The following ZNF521 variants were observed in gnomAD, a reference collection of about 807,000 sequenced individuals.
ZNF521 encodes zinc finger protein 521, also known as LYST-interacting protein 3.
A neutral mutation model predicts 105.5 loss-of-function variants in ZNF521; 14 were observed. The ratio of observed to expected loss-of-function variants is 0.13; its 90% confidence interval spans 0.09 to 0.21. The LOEUF (loss-of-function observed/expected upper bound fraction) is 0.21, where lower values mean the gene tolerates loss of function less well. Among genes scored for constraint, ZNF521 ranks in the 10% least tolerant of loss-of-function variants. The pLI, the probability that ZNF521 is intolerant of heterozygous loss-of-function variation, is 1.00. For missense variants in ZNF521, 1,233 were observed against 1,629.7 expected (o/e 0.76, Z 4.19); for synonymous variants, 635 against 606.0 (o/e 1.05, Z -0.70).
At chr18:25,217,995 C>T (rs778657932) in intron 4 of ZNF521, among the ~76,000 whole-genome samples, 17 of 152,056 alleles carry the variant, frequency 1.1e-4, no homozygotes, top group Non-Finnish European at 2.5e-4. Context: ...ACAGGACAGC[C>T]TCAGTAAGAC....
At chr18:25,338,967 C>T (rs1795541259) in intron 2 of ZNF521, among the ~76,000 whole-genome samples, 1 of 152,096 alleles carries the variant, frequency 6.6e-6, no homozygotes, top group African/African-American at 2.4e-5. Flanking sequence ...TTAAAACAAA[C>T]CCAGATATTT....
intron 7 of ZNF521, among the ~76,000 whole-genome samples, chr18:25,080,136 C>T (rs564412958): frequency 3.9e-5 from 6 of 152,304 alleles, no homozygotes; most frequent in East Asian, 1.9e-4. Flanking sequence ...GAAAAAGCCC[C>T]GCTTTTGCAA....
chr18:25,217,550 TCAGA>T (rs1471734121), intron 4 of ZNF521, among the ~76,000 whole-genome samples: 2 of 152,270 alleles, frequency 1.3e-5, no homozygotes, highest in Non-Finnish European at 2.9e-5. Flanking sequence ...ATACGACATT[TCAGA>T]CAAAGGTTTC....
chr18:25,202,328 T>G (rs1164783067), intron 4 of ZNF521: 1 of 152,134 alleles, frequency 6.6e-6, no homozygotes, highest in Admixed American at 6.6e-5. Flanking sequence ...AAAAAACCAA[T>G]ACATTATGAC....
chr18:25,108,892 T>TG (rs2034127568), intron 5 of ZNF521, among the ~76,000 whole-genome samples: 1 of 152,218 alleles, frequency 6.6e-6, no homozygotes, highest in Non-Finnish European at 1.5e-5. Context: ...CCCAAAGTGC[T>TG]GGGATTACAG....
intron 3 of ZNF521, among the ~76,000 whole-genome samples, chr18:25,256,945 T>C (rs1179444478): frequency 3.3e-5 from 5 of 152,078 alleles, no homozygotes; most frequent in African/African-American, 1.2e-4. Context: ...CAAAAAATAC[T>C]TCAATAAAGG....
intron 3 of ZNF521, among the ~76,000 whole-genome samples, chr18:25,316,726 C>T (rs939404294): frequency 6.6e-6 from 1 of 152,120 alleles, no homozygotes; most frequent in African/African-American, 2.4e-5. Context: ...CCTCCACTTA[C>T]ACTTTGCCTC....
intron 3 of ZNF521, among the ~76,000 whole-genome samples, chr18:25,309,374 A>G (rs939884610): frequency 6.6e-6 from 1 of 152,230 alleles, no homozygotes; most frequent in Non-Finnish European, 1.5e-5. Context: ...AAATGAACAA[A>G]TCAATGGACT....
intron 4 of ZNF521, among the ~76,000 whole-genome samples, chr18:25,199,086 A>T (rs1439481299): frequency 6.6e-6 from 1 of 151,960 alleles, no homozygotes; most frequent in African/African-American, 2.4e-5. Context: ...ACTTGAATCT[A>T]ATTAAGTCTT....
intron 5 of ZNF521, among the ~76,000 whole-genome samples, chr18:25,112,453 C>T (rs1199287785): frequency 6.6e-6 from 1 of 152,094 alleles, no homozygotes; most frequent in East Asian, 1.9e-4. Context: ...TGAGCTCATG[C>T]CCAGAAGCAC....
At chr18:25,149,428 T>A (rs1483439622) in intron 5 of ZNF521, among the ~76,000 whole-genome samples, 2 of 152,210 alleles carry the variant, frequency 1.3e-5, no homozygotes, top group African/African-American at 2.4e-5. Flanking sequence ...GATATTCTTA[T>A]AATTATCTAT....
rs747303225 is a variant in ZNF521 at position 25,352,103 on chromosome 18, C to G, written c.-100G>C. ...GCCATCAGGATGGCTCCAGAGGGGG[C>G]CCCTAACCCGCAGGGACTCGCTCTG... On this transcript the variant is annotated 5_prime_UTR_variant, in exon 1 of 8. Coordinates refer to ENST00000361524, the MANE Select transcript of ZNF521 (RefSeq NM_015461.3). 1.0e-5 allele frequency: 5 copies of G among 480,714 alleles called. No individual in the cohort carries two copies. The highest frequency in any genetic ancestry group is 1.7e-5 in the Non-Finnish European group (4 of 238,268). The allele number at this position is 480,714 out of a possible 1,614,324, so 29.8% of individuals were successfully genotyped here.
chr18:25,349,626 C>T (rs1334232675), intron 2 of ZNF521, among the ~76,000 whole-genome samples: 1 of 151,990 alleles, frequency 6.6e-6, no homozygotes, highest in African/African-American at 2.4e-5. Flanking sequence ...GGCGCCGGGC[C>T]CTGCCCACCC....
chr18:25,249,665 T>C (rs1455882321), intron 3 of ZNF521, among the ~76,000 whole-genome samples: 2 of 152,166 alleles, frequency 1.3e-5, no homozygotes, highest in Non-Finnish European at 2.9e-5. Context: ...TTTTGCCATG[T>C]TGGCCAGGCT....
At chr18:25,347,954 T>C (rs981293526) in intron 2 of ZNF521, among the ~76,000 whole-genome samples, 1 of 152,248 alleles carries the variant, frequency 6.6e-6, no homozygotes, top group African/African-American at 2.4e-5. Flanking sequence ...CTTCATGTTT[T>C]ATTTAGAAGG....
intron 4 of ZNF521, among the ~76,000 whole-genome samples, chr18:25,214,381 G>C (rs1423456521): frequency 2.6e-5 from 4 of 152,002 alleles, no homozygotes; most frequent in African/African-American, 9.7e-5. Flanking sequence ...CATCTCACCA[G>C]AAGTCTGTAA....
At chr18:25,167,519 C>T (rs910411944) in intron 5 of ZNF521, among the ~76,000 whole-genome samples, 1 of 152,134 alleles carries the variant, frequency 6.6e-6, no homozygotes, top group Admixed American at 6.5e-5. Flanking sequence ...GTATTTTTGT[C>T]TTATTTTTGG....
chr18:25,280,423 A>C (rs564028516), intron 3 of ZNF521, among the ~76,000 whole-genome samples: 1 of 147,236 alleles, frequency 6.8e-6, no homozygotes, highest in Admixed American at 6.8e-5. Flanking sequence ...TAAAAAATTA[A>C]AAAAAAAAAA....
chr18:25,108,827 A>G, intron 5 of ZNF521, among the ~76,000 whole-genome samples: 1 of 152,096 alleles, frequency 6.6e-6, no homozygotes, highest in Non-Finnish European at 1.5e-5. Context: ...GTTTCGCCAT[A>G]GTAGCCAGGA....
Sources: allele counts gnomAD v4.1 joint callset (sites outside exome capture counted in the v4.1 genomes callset), GRCh38; gene constraint gnomAD v4.1.1; transcripts MANE v1.5; gene names NCBI Gene and HGNC (gene_info 2026-07-23, HGNC 2026-07-21).